The following FAT3 variants were observed in gnomAD, a reference collection of about 807,000 sequenced individuals.
The protein encoded by FAT3 is FAT atypical cadherin 3.
FAT3 carries 95 observed loss-of-function variants against 310.2 expected under a neutral mutation model. That is an observed-to-expected ratio of 0.31 (90% CI 0.26 to 0.36). The LOEUF (loss-of-function observed/expected upper bound fraction) is 0.36. Among genes scored for constraint, FAT3 ranks in the 10% least tolerant of loss-of-function variants. The pLI is 1.00. For synonymous variants in FAT3, 2,314 were observed against 2,192.9 expected (o/e 1.06, Z -1.54); for missense variants, 5,408 against 5,715.6 (o/e 0.95, Z 1.74).
chr11:92,448,769 C>T (rs978631762), intron 2 of FAT3, among the ~76,000 whole-genome samples: 1 of 152,298 alleles, frequency 6.6e-6, no homozygotes, highest in African/African-American at 2.4e-5. Flanking sequence ...TTTCCTTTCT[C>T]CCTGCTCTTT....
intron 2 of FAT3, among the ~76,000 whole-genome samples, chr11:92,439,274 CAG>C (rs943104470): frequency 2.0e-5 from 3 of 152,098 alleles, no homozygotes; most frequent in African/African-American, 4.8e-5. Context: ...TGATCTAAAA[CAG>C]AGAATTGAGA....
intron 3 of FAT3, among the ~76,000 whole-genome samples, chr11:92,565,932 A>T (rs1386572728): frequency 2.6e-5 from 4 of 152,104 alleles, no homozygotes; most frequent in African/African-American, 9.7e-5. Flanking sequence ...CCAATATCGT[A>T]CTGAATGGGC....
chr11:92,702,290 T>G (rs1944121589), intron 4 of FAT3, among the ~76,000 whole-genome samples: 1 of 152,064 alleles, frequency 6.6e-6, no homozygotes, highest in Admixed American at 6.5e-5. Flanking sequence ...GCTTAATAAG[T>G]GTGTGAATGA....
intron 3 of FAT3, among the ~76,000 whole-genome samples, chr11:92,665,292 C>T (rs1323993316): frequency 6.6e-6 from 1 of 152,122 alleles, no homozygotes; most frequent in Non-Finnish European, 1.5e-5. Context: ...GAACGGTTGA[C>T]CAGATGCCTC....
At chr11:92,576,608 A>G (rs978377107) in intron 3 of FAT3, among the ~76,000 whole-genome samples, 5 of 152,264 alleles carry the variant, frequency 3.3e-5, no homozygotes, top group African/African-American at 1.2e-4. Flanking sequence ...CACTGTTTAC[A>G]TACTCTGTGG....
chr11:92,522,584 C>G (rs1171475018), intron 2 of FAT3, among the ~76,000 whole-genome samples: 1 of 152,096 alleles, frequency 6.6e-6, no homozygotes, highest in Non-Finnish European at 1.5e-5. Context: ...ATAAGTGCTA[C>G]CAGGCAAATT....
At chr11:92,281,651 G>T (rs1841336896) in intron 1 of FAT3, among the ~76,000 whole-genome samples, 1 of 152,110 alleles carries the variant, frequency 6.6e-6, no homozygotes, top group Non-Finnish European at 1.5e-5. Context: ...CATAGTAACT[G>T]CCAGATGGTG....
At chr11:92,701,892 T>C (rs1331836328) in intron 4 of FAT3, among the ~76,000 whole-genome samples, 1 of 152,154 alleles carries the variant, frequency 6.6e-6, no homozygotes, top group Non-Finnish European at 1.5e-5. Flanking sequence ...GGTGGGTGTT[T>C]TTGGTTTTCT....
In FAT3 at chr11:92,832,160, G is replaced by A. The variant is rs146107141; in HGVS notation, c.9871+149G>A. 594 of 922,840 alleles carry A rather than the reference G, an allele frequency of 6.4e-4. 3 individuals are homozygous for A. The African/African-American group carries it at 7.9e-3, about 12-fold the overall frequency. 57.2% of individuals were successfully genotyped at this position (922,840 alleles called of 1,614,324 possible). On this transcript the variant is annotated intron_variant, in intron 14 of 27. Transcript: ENST00000525166. ...AGCCTGGACAACAGAGTGAGACCCT[G>A]TCTCTACAAAAATTTAAAAAAATAT... is the stretch of plus-strand genomic sequence containing the variant.
chr11:92,658,838 G>A lies in FAT3; in HGVS notation c.3608-38546G>A, dbSNP rs72958560. ...GCCCCATCAGCTCAGCATAAGCCCT[G>A]TTCAATGAGCTGTCAGTGCCTTATG... is the stretch of plus-strand genomic sequence containing the variant. On this transcript the variant is annotated intron_variant, in intron 3 of 27. Transcript: ENST00000525166. Among the ~76,000 whole-genome samples the A allele has an allele frequency of 6.4e-3, 976 of 152,242 alleles. 3 individuals carry two copies. The highest frequency in any genetic ancestry group is 0.011 in the Non-Finnish European group (736 of 68,032).
chr11:92,432,897 C>A (rs1435915107), intron 2 of FAT3, among the ~76,000 whole-genome samples: 1 of 152,194 alleles, frequency 6.6e-6, no homozygotes, highest in Non-Finnish European at 1.5e-5. Flanking sequence ...AAGCCCCTAA[C>A]TGGGGCTGCT....
rs1181014047 is a variant in FAT3 at position 92,893,196 on chromosome 11, G to C, written c.*2083G>C. 1.3e-5 allele frequency: 2 copies of C among 149,782 alleles called. No individual in the cohort carries two copies. Among genetic ancestry groups the C allele is most frequent in the African/African-American group, 4.9e-5 (2 of 41,068 alleles). The allele number at this position is 149,782 out of a possible 1,614,324, so 9.3% of individuals were successfully genotyped here. On this transcript the variant is annotated 3_prime_UTR_variant, in exon 28 of 28. Transcript: ENST00000525166. ...CCTTTTTCATTCCCAAACTTTCTAA[G>C]TAAGTGGATACACTACACTTCACAA... is the stretch of plus-strand genomic sequence containing the variant.
At chr11:92,528,963 G>A (rs895367342) in intron 3 of FAT3, among the ~76,000 whole-genome samples, 1 of 152,220 alleles carries the variant, frequency 6.6e-6, no homozygotes, top group East Asian at 1.9e-4. Context: ...TCTTGAGGAA[G>A]ACATTTCTGA....
chr11:92,656,198 A>G (rs75317995), intron 3 of FAT3, among the ~76,000 whole-genome samples: 6,812 of 152,232 alleles, frequency 0.045, 319 homozygotes, highest in East Asian at 0.21. Context: ...GTCATCTTGG[A>G]TATAGAAACA....
intron 1 of FAT3, among the ~76,000 whole-genome samples, chr11:92,287,857 T>A (rs1946597053): frequency 6.6e-6 from 1 of 152,110 alleles, no homozygotes; most frequent in Admixed American, 6.6e-5. Flanking sequence ...TGTGAAATGA[T>A]CACATTGGAA....
At chr11:92,689,489 A>G (rs1350794340) in intron 3 of FAT3, among the ~76,000 whole-genome samples, 2 of 152,194 alleles carry the variant, frequency 1.3e-5, no homozygotes, top group Non-Finnish European at 2.9e-5. Context: ...ATTTCTCTGA[A>G]GAAATCCAAT....
At chr11:92,260,512 T>C (rs1304070513) in intron 1 of FAT3, among the ~76,000 whole-genome samples, 1 of 152,074 alleles carries the variant, frequency 6.6e-6, no homozygotes. Context: ...TTTAAAATCT[T>C]TATAAACTCC....
intron 3 of FAT3, among the ~76,000 whole-genome samples, chr11:92,597,707 C>CCAGGG (rs1320128867): frequency 6.6e-6 from 1 of 151,992 alleles, no homozygotes; most frequent in Non-Finnish European, 1.5e-5. Context: ...ATGAAATGAC[C>CCAGGG]CAGGGATGCA....
At chr11:92,723,065 G>A (rs1944908965) in intron 4 of FAT3, among the ~76,000 whole-genome samples, 1 of 152,144 alleles carries the variant, frequency 6.6e-6, no homozygotes, top group Admixed American at 6.5e-5. Context: ...TCTGCAGACG[G>A]CTTGAATTTC....
Sources: allele counts gnomAD v4.1 joint callset (sites outside exome capture counted in the v4.1 genomes callset), GRCh38; gene constraint gnomAD v4.1.1; transcripts MANE v1.5; gene names NCBI Gene and HGNC (gene_info 2026-07-23, HGNC 2026-07-21).